Variants in CFAP53 observed in about 807,000 individuals in gnomAD.
CFAP53 encodes cilia and flagella associated protein 53.
CFAP53 carries 62 observed loss-of-function variants against 59.7 expected under a neutral mutation model. The ratio of observed to expected loss-of-function variants is 1.04; its 90% CI spans 0.85 to 1.28. The LOEUF is 1.28. Ranked by LOEUF, CFAP53 falls within the 50% of genes most tolerant of loss-of-function variation. The pLI is 0.00. For synonymous variants in CFAP53, 218 were observed against 205.7 expected, an observed-to-expected ratio of 1.06 and a Z score of -0.51; for missense variants, 629 against 615.6, an observed-to-expected ratio of 1.02 and a Z score of -0.23.
intron 3 of CFAP53, chr18:50,256,356 G>A (rs2033846983): frequency 6.6e-6 from 1 of 152,150 alleles, no homozygotes; most frequent in Non-Finnish European, 1.5e-5. Flanking sequence ...ATGAGTGCAT[G>A]CTTTACACAG....
chr18:50,254,418 A>T (rs539112452), intron 3 of CFAP53, among the ~76,000 whole-genome samples: 1 of 152,192 alleles, frequency 6.6e-6, no homozygotes, highest in Non-Finnish European at 1.5e-5. Context: ...CCATGATGAG[A>T]TATCACAGCA....
chr18:50,241,644 T>C (rs1281741055), intron 6 of CFAP53, among the ~76,000 whole-genome samples: 2 of 152,034 alleles, frequency 1.3e-5, no homozygotes, highest in Non-Finnish European at 2.9e-5. Flanking sequence ...GGCAGGACCA[T>C]GATGGCGACC....
intron 4 of CFAP53, 27 bp downstream of exon 4, chr18:50,251,454 C>T: frequency 1.9e-6 from 3 of 1,595,446 alleles, no homozygotes; most frequent in Non-Finnish European, 1.7e-6. Context: ...CGTTGATCAC[C>T]CTCTAACAAG....
Position 50,250,775 on chromosome 18 carries a change from T to A in CFAP53, c.979A>T (p.Lys327Ter), listed in dbSNP as rs748355157. 6.2e-7 allele frequency: 1 copy of A among 1,614,132 alleles called. No homozygotes were observed. The highest frequency in any genetic ancestry group is 8.5e-7 in the Non-Finnish European group (1 of 1,179,998). Reference sequence around the variant, plus strand: ...TGTCTTACTCTTTTTTGTTTCTTTTTATCTGCCTCTTCCTGTAAGTCTTGA... The same window carrying A: ...TGTCTTACTCTTTTTTGTTTCTTTTAATCTGCCTCTTCCTGTAAGTCTTGA... The part of the protein sequence containing the change: ...ALQDLQEEAD[K>*]KKQKREDMIR... Residue 327 changes from lysine (K) to a stop codon, truncating the protein, a stop_gained, in exon 5 of 8, where the codon AAA becomes TAA. Coordinates refer to ENST00000398545, the MANE Select transcript of CFAP53 (RefSeq NM_145020.5). LOFTEE classifies it high-confidence loss of function.
chr18:50,263,272 G>A (rs558413310), intron 1 of CFAP53, among the ~76,000 whole-genome samples: 1 of 152,272 alleles, frequency 6.6e-6, no homozygotes, highest in Non-Finnish European at 1.5e-5. Flanking sequence ...TAAGTTGTGA[G>A]ATACTGGGGT....
intron 1 of CFAP53, among the ~76,000 whole-genome samples, chr18:50,265,262 C>T (rs1425349708): frequency 6.6e-6 from 1 of 152,094 alleles, no homozygotes; most frequent in East Asian, 1.9e-4. Context: ...CACACCTGAC[C>T]TCATGTAAGG....
At chr18:50,257,244 C>T (rs2033854316) in intron 3 of CFAP53, among the ~76,000 whole-genome samples, 1 of 152,068 alleles carries the variant, frequency 6.6e-6, no homozygotes, top group Non-Finnish European at 1.5e-5. Flanking sequence ...TACTATTATT[C>T]AACATAGCAC....
rs182810442 is a variant in CFAP53 at position 50,229,476 on chromosome 18, A to G, written c.1317-1867T>C. Among the ~76,000 whole-genome samples, 163 of 152,278 alleles carry G rather than the reference A, an allele frequency of 1.1e-3. 2 individuals are homozygous for G. Among genetic ancestry groups the G allele is most frequent in the African/African-American group, 3.8e-3 (158 of 41,556 alleles). On this transcript the variant is annotated intron_variant, in intron 7 of 7. Coordinates refer to ENST00000398545, the MANE Select transcript of CFAP53 (RefSeq NM_145020.5). ...AATATATACCATGTTTTGTTTATCT[A>G]TTCATTTCATTAATAGACCCTTGGG... is the stretch of plus-strand genomic sequence containing the variant.
In CFAP53 at chr18:50,227,322, A is replaced by G. The variant is rs1209511457; in HGVS notation, c.*59T>C. The G allele has an allele frequency of 3.7e-6, 5 of 1,349,198 alleles. No individual in the cohort carries two copies. In the East Asian group the frequency reaches 9.4e-5, roughly 25 times the overall value. 83.6% of individuals were successfully genotyped at this position (1,349,198 alleles called of 1,614,324 possible). On this transcript the variant is annotated 3_prime_UTR_variant, in exon 8 of 8. Transcript: ENST00000398545. ...ATCCAGGAGTTAAAAGAAGCATACA[A>G]GCATACTGTAGTTAAAAATATTAAA... is the stretch of plus-strand genomic sequence containing the variant.
At chr18:50,253,738 A>T (rs779843256) in intron 3 of CFAP53, among the ~76,000 whole-genome samples, 1 of 152,196 alleles carries the variant, frequency 6.6e-6, no homozygotes, top group Non-Finnish European at 1.5e-5. Context: ...TCCATTTCAT[A>T]TGTGGTAGAA....
chr18:50,266,311 T>A, intron 1 of CFAP53, 25 bp downstream of exon 1: 1 of 1,611,488 alleles, frequency 6.2e-7, no homozygotes. Context: ...AGCTGTAGGG[T>A]CTGGCAGACA....
intron 1 of CFAP53, among the ~76,000 whole-genome samples, chr18:50,265,221 G>A (rs1026046701): frequency 1.3e-5 from 2 of 152,058 alleles, no homozygotes; most frequent in Admixed American, 1.3e-4. Flanking sequence ...AGCTTTTTGA[G>A]CACCCACATG....
intron 1 of CFAP53, among the ~76,000 whole-genome samples, chr18:50,262,529 C>T (rs928788898): frequency 3.3e-5 from 5 of 152,150 alleles, no homozygotes; most frequent in African/African-American, 1.2e-4. Context: ...AACCCAGAGA[C>T]ATTAAGTGAT....
intron 5 of CFAP53, among the ~76,000 whole-genome samples, chr18:50,248,226 T>C (rs1046712457): frequency 4.6e-5 from 7 of 152,070 alleles, no homozygotes; most frequent in Non-Finnish European, 7.4e-5. Flanking sequence ...AAAAAGTTGT[T>C]CAAAATCATT....
chr18:50,264,892 A>G (rs761385691), intron 1 of CFAP53, among the ~76,000 whole-genome samples: 1 of 152,198 alleles, frequency 6.6e-6, no homozygotes, highest in African/African-American at 2.4e-5. Flanking sequence ...AAGTGTGTTT[A>G]TAATTATCAC....
chr18:50,263,108 G>A lies in CFAP53; in HGVS notation c.70-889C>T, dbSNP rs1029688240. The stretch of plus-strand genomic sequence containing the variant: ...TGAACATAATGCCTACTACAGTGAG[G>A]TCCTCAATAGAAATGAATGAATGAA... On this transcript the variant is annotated intron_variant, in intron 1 of 7. Transcript: ENST00000398545. Among the ~76,000 whole-genome samples, 5 of 152,222 alleles carry A rather than the reference G, an allele frequency of 3.3e-5. No individual in the cohort carries two copies. In the South Asian group the frequency reaches 8.3e-4, roughly 25 times the overall value.
chr18:50,231,434 T>C (rs1252504843), intron 7 of CFAP53, among the ~76,000 whole-genome samples: 1 of 152,206 alleles, frequency 6.6e-6, no homozygotes, highest in East Asian at 1.9e-4. Flanking sequence ...TCTCTTTCCC[T>C]TTCCCAACTT....
Position 50,251,704 on chromosome 18 carries a change from G to A in CFAP53, c.554C>T (p.Ala185Val), listed in dbSNP as rs769481642. 8.7e-6 allele frequency: 14 copies of A among 1,614,198 alleles called. No homozygotes were observed. The highest frequency in any genetic ancestry group is 9.3e-6 in the Non-Finnish European group (11 of 1,180,032). Residue 185 changes from alanine (A) to valine (V), a missense_variant, in exon 4 of 8, where the codon GCA (alanine) becomes GTA (valine). Ala to Val is a moderately conservative substitution (Grantham distance 64). Transcript: ENST00000398545. ...KVCEERKAQIAFNEELSRQKL... is the reference protein window; with the variant it reads ...KVCEERKAQIVFNEELSRQKL... ...TTGCCTGCTCAGCTCCTCATTAAAT[G>A]CAATCTGTGCTTTCCGCTCCTCACA... is the stretch of plus-strand genomic sequence containing the variant.
intron 7 of CFAP53, among the ~76,000 whole-genome samples, chr18:50,235,571 A>G (rs1049745860): frequency 3.3e-5 from 5 of 152,204 alleles, no homozygotes; most frequent in Admixed American, 3.3e-4. Context: ...GTCTCAAAAA[A>G]TAATAATAAC....
Sources: allele counts gnomAD v4.1 joint callset (sites outside exome capture counted in the v4.1 genomes callset), GRCh38; gene constraint gnomAD v4.1.1; transcripts MANE v1.5; gene names NCBI Gene and HGNC (gene_info 2026-07-23, HGNC 2026-07-21).